STK10: variants seen among roughly 807,000 people sequenced by gnomAD.
STK10 encodes serine/threonine kinase 10, also known as serine/threonine-protein kinase 10.
In STK10, 78 loss-of-function variants were observed where a neutral mutation model predicts 113.8. The ratio of observed to expected loss-of-function variants is 0.69; its 90% CI spans 0.57 to 0.83. The LOEUF (loss-of-function observed/expected upper bound fraction) is 0.83, where lower values mean the gene tolerates loss of function less well. Among genes scored for constraint, STK10 ranks in the 40% least tolerant of loss-of-function variants. The pLI is 0.00. For missense variants in STK10, 1,109 were observed against 1,280.1 expected, an observed-to-expected ratio of 0.87 and a Z score of 2.04; for synonymous variants, 465 against 494.7, an observed-to-expected ratio of 0.94 and a Z score of 0.80.
intron 1 of STK10, among the ~76,000 whole-genome samples, chr5:172,180,528 C>T (rs928870568): frequency 1.3e-5 from 2 of 151,966 alleles, no homozygotes; most frequent in South Asian, 2.1e-4. Context: ...CAGTGGCTCA[C>T]GCCTGTAATC....
In STK10 at chr5:172,170,268, A is replaced by T. The variant is rs147073719; in HGVS notation, c.157-13480T>A. ...AAGTGATAAGAAGTCGACTTTCTCC[A>T]TAACATATTTCTATTTCTGAATCTC... On this transcript the variant is annotated intron_variant, in intron 1 of 18. Transcript: ENST00000176763. Among the ~76,000 whole-genome samples the T allele has an allele frequency of 4.2e-3, 640 of 152,242 alleles. 5 individuals carry two copies. Among genetic ancestry groups the T allele is most frequent in the African/African-American group, 0.015 (603 of 41,528 alleles).
At chr5:172,115,575 C>G (rs1459569689) in intron 4 of STK10, among the ~76,000 whole-genome samples, 1 of 152,196 alleles carries the variant, frequency 6.6e-6, no homozygotes, top group Non-Finnish European at 1.5e-5. Context: ...ATTTTCCTGT[C>G]TGCCTTAACT....
In STK10 at chr5:172,092,374, G is replaced by A. The variant is rs1363491595; in HGVS notation, c.1554+1038C>T. On this transcript the variant is annotated intron_variant, in intron 9 of 18. Coordinates refer to ENST00000176763, the MANE Select transcript of STK10 (RefSeq NM_005990.4). ...TTCTCCACAGCCTTGAGAAGAGCAG[G>A]GGAGCCCCTGCTTTAGGTGGGTCTG... The A allele has an allele frequency of 2.0e-5, 3 of 152,136 alleles. No individual in the cohort carries two copies. The South Asian group carries it at 6.2e-4, about 32-fold the overall frequency. The allele number at this position is 152,136 out of a possible 1,614,324, so 9.4% of individuals were successfully genotyped here.
rs762615762 is a variant in STK10 at position 172,064,721 on chromosome 5, A to G, written c.2081T>C (p.Leu694Pro). The change falls in exon 13 of 19, where the codon CTT becomes CCT. Residue 694 changes from leucine (L) to proline (P), a missense_variant and splice_region_variant. Coordinates refer to ENST00000176763, the MANE Select transcript of STK10 (RefSeq NM_005990.4). ...MEEHTQKKQLLDRDFVAKQKE... is the reference protein window; with the variant it reads ...MEEHTQKKQLPDRDFVAKQKE... The stretch of plus-strand genomic sequence containing the variant: ...CCCCAGCTGAGGCCAGGGACTCACA[A>G]GAAGCTGCTTTTTCTGCGTGTGCTC... 6 of 1,614,046 alleles carry G rather than the reference A, an allele frequency of 3.7e-6. No individual in the cohort carries two copies. Among genetic ancestry groups the G allele is most frequent in the Admixed American group, 3.3e-5 (2 of 60,006 alleles).
At chr5:172,090,421 C>T (rs900122826) in intron 9 of STK10, 59 bp from the exon 10 acceptor site, 5 of 1,583,694 alleles carry the variant, frequency 3.2e-6, no homozygotes, top group South Asian at 2.3e-5. Context: ...CCATGGCTGT[C>T]GCAGCAGGTG....
chr5:172,071,410 C>T (rs560069346), intron 12 of STK10, among the ~76,000 whole-genome samples: 1 of 143,254 alleles, frequency 7.0e-6, no homozygotes, highest in African/African-American at 2.6e-5. Flanking sequence ...ATACAGTCAA[C>T]ACCATAAGCC....
At chr5:172,175,606 T>C (rs1280682457) in intron 1 of STK10, among the ~76,000 whole-genome samples, 1 of 151,936 alleles carries the variant, frequency 6.6e-6, no homozygotes, top group African/African-American at 2.4e-5. Flanking sequence ...CCTCACCACT[T>C]CCTCTGCATG....
At chr5:172,166,012 C>T (rs977124702) in intron 1 of STK10, among the ~76,000 whole-genome samples, 7 of 152,198 alleles carry the variant, frequency 4.6e-5, no homozygotes, top group African/African-American at 9.6e-5. Context: ...AGGCTGGTCT[C>T]GAACTCCCGA....
intron 10 of STK10, among the ~76,000 whole-genome samples, chr5:172,088,666 T>C (rs1768624312): frequency 6.6e-6 from 1 of 152,196 alleles, no homozygotes; most frequent in African/African-American, 2.4e-5. Flanking sequence ...CGTGGCTCCA[T>C]GGCCTCCCTA....
intron 12 of STK10, among the ~76,000 whole-genome samples, chr5:172,080,475 C>T (rs996407484): frequency 6.6e-6 from 1 of 152,180 alleles, no homozygotes; most frequent in African/African-American, 2.4e-5. Context: ...GACGGTTAGC[C>T]AAGTTGTGAA....
chr5:172,185,745 C>T (rs1476081012), intron 1 of STK10, among the ~76,000 whole-genome samples: 1 of 152,332 alleles, frequency 6.6e-6, no homozygotes. Context: ...GAGACAGTTG[C>T]AAGGCTGAGG....
At chr5:172,080,526 A>G (rs1019940464) in intron 12 of STK10, among the ~76,000 whole-genome samples, 8 of 152,288 alleles carry the variant, frequency 5.3e-5, no homozygotes, top group African/African-American at 9.6e-5. Context: ...TGCTACTCCA[A>G]TGAACACGAA....
At chr5:172,081,845 C>A (rs563355657) in intron 12 of STK10, among the ~76,000 whole-genome samples, 1 of 152,172 alleles carries the variant, frequency 6.6e-6, no homozygotes, top group Non-Finnish European at 1.5e-5. Flanking sequence ...CAGAGCAGCT[C>A]GAGAGATGTG....
At chr5:172,156,590 G>A (rs762093297) in intron 2 of STK10, 34 bp downstream of exon 2, 2 of 1,596,918 alleles carry the variant, frequency 1.3e-6, no homozygotes, top group Non-Finnish European at 1.7e-6. Flanking sequence ...AGGCCATGGG[G>A]GCTGAGCTGG....
chr5:172,148,938 C>A (rs1244705655), intron 2 of STK10, among the ~76,000 whole-genome samples: 1 of 152,224 alleles, frequency 6.6e-6, no homozygotes, highest in Non-Finnish European at 1.5e-5. Context: ...ATAATCCCAG[C>A]ACTTTGGGAG....
chr5:172,102,208 T>C (rs1052073817), intron 7 of STK10, among the ~76,000 whole-genome samples: 2 of 149,352 alleles, frequency 1.3e-5, no homozygotes, highest in Non-Finnish European at 3.0e-5. Context: ...AATGGAGGGG[T>C]GGGAAAGGCT....
At chr5:172,143,739 C>T (rs951118007) in intron 2 of STK10, among the ~76,000 whole-genome samples, 2 of 152,118 alleles carry the variant, frequency 1.3e-5, no homozygotes, top group South Asian at 2.1e-4. Flanking sequence ...TCAAAGTGAG[C>T]GAAGTCACTT....
chr5:172,135,844 T>C (rs1047029667), intron 2 of STK10, among the ~76,000 whole-genome samples: 1 of 152,032 alleles, frequency 6.6e-6, no homozygotes, highest in Non-Finnish European at 1.5e-5. Context: ...CTGGCCAACA[T>C]AGAGAAACCC....
intron 7 of STK10, among the ~76,000 whole-genome samples, chr5:172,098,415 C>G (rs1436558307): frequency 6.6e-6 from 1 of 152,106 alleles, no homozygotes; most frequent in African/African-American, 2.4e-5. Context: ...GAGGGAGCAG[C>G]TGGTACAAAG....
Sources: gnomAD v4.1 joint callset for allele counts (sites outside exome capture counted in the v4.1 genomes callset) on GRCh38, gnomAD v4.1.1 for gene constraint, MANE v1.5 for transcripts, NCBI Gene and HGNC (gene_info 2026-07-23, HGNC 2026-07-21) for gene names.